EFCAB14: variants seen among roughly 807,000 people sequenced by gnomAD.
EFCAB14 encodes EF-hand calcium-binding domain-containing protein 14.
A neutral mutation model predicts 56.5 loss-of-function variants in EFCAB14; 43 were observed. That is an observed-to-expected ratio of 0.76 (90% CI 0.60 to 0.98). The LOEUF (loss-of-function observed/expected upper bound fraction) is 0.98, where lower values mean the gene tolerates loss of function less well. EFCAB14 is among the 50% of genes least tolerant of loss of function. The probability of loss-of-function intolerance (pLI) is 0.00; values close to 1 mark genes in which losing one functional copy is unlikely to be tolerated. For missense variants in EFCAB14, 538 were observed against 580.3 expected (o/e 0.93, Z 0.75); for synonymous variants, 235 against 212.9 (o/e 1.10, Z -0.90).
At chr1:46,678,677 T>G in intron 10 of EFCAB14, 41 bp from the exon 11 acceptor site, 1 of 1,550,848 alleles carries the variant, frequency 6.4e-7, no homozygotes, top group Non-Finnish European at 8.7e-7. Context: ...CGTCTAAACA[T>G]ACAGCTAAAT....
At chr1:46,678,721 A>T in intron 10 of EFCAB14, 85 bp from the exon 11 acceptor site, 2 of 1,333,160 alleles carry the variant, frequency 1.5e-6, no homozygotes, top group Non-Finnish European at 2.0e-6. Context: ...AATTTAAAAC[A>T]CTAAAAGAAA....
chr1:46,714,589 C>T (rs1051734802), intron 2 of EFCAB14, among the ~76,000 whole-genome samples: 32 of 152,050 alleles, frequency 2.1e-4, no homozygotes, highest in African/African-American at 7.2e-4. Context: ...CCCAGGAGTT[C>T]GAGACCAGTC....
chr1:46,679,617 T>TTC (rs1676758233), intron 10 of EFCAB14, among the ~76,000 whole-genome samples: 2 of 132,204 alleles, frequency 1.5e-5, no homozygotes, highest in Admixed American at 7.5e-5. Context: ...TTTTTTTTTT[T>TTC]TTTTTTTTTT....
At chr1:46,698,147 C>T (rs1280478643) in intron 3 of EFCAB14, among the ~76,000 whole-genome samples, 1 of 152,156 alleles carries the variant, frequency 6.6e-6, no homozygotes, top group African/African-American at 2.4e-5. Context: ...GCCACCATGT[C>T]CGGCTATGCA....
chr1:46,692,615 C>A (rs1419059663), intron 4 of EFCAB14, among the ~76,000 whole-genome samples: 2 of 152,148 alleles, frequency 1.3e-5, no homozygotes, highest in African/African-American at 2.4e-5. Flanking sequence ...TACTCCATAT[C>A]CTCACCAATC....
chr1:46,694,830 A>G (rs1401709410), intron 4 of EFCAB14, among the ~76,000 whole-genome samples: 1 of 152,210 alleles, frequency 6.6e-6, no homozygotes. Flanking sequence ...AACCAACCCA[A>G]ATGTCCATCA....
Sources: gnomAD v4.1 joint callset for allele counts (sites outside exome capture counted in the v4.1 genomes callset) on GRCh38, gnomAD v4.1.1 for gene constraint, MANE v1.5 for transcripts, NCBI Gene and HGNC (gene_info 2026-07-23, HGNC 2026-07-21) for gene names.